The following MACROD2 variants were observed in gnomAD, a reference collection of about 807,000 sequenced individuals.
MACROD2 encodes the protein ADP-ribose glycohydrolase MACROD2.
A neutral mutation model predicts 70.4 loss-of-function variants in MACROD2; 36 were observed. The observed-to-expected ratio is 0.51, with a 90% CI of 0.39 to 0.68. The LOEUF is 0.68. Among genes scored for constraint, MACROD2 ranks in the 30% least tolerant of loss-of-function variants. The probability of loss-of-function intolerance (pLI) is 0.00; values close to 1 mark genes in which losing one functional copy is unlikely to be tolerated. For missense variants in MACROD2, 496 were observed against 538.4 expected (o/e 0.92, Z 0.78); for synonymous variants, 172 against 178.8 (o/e 0.96, Z 0.30).
At chr20:16,016,026 T>A (rs1159934337) in intron 15 of MACROD2, among the ~76,000 whole-genome samples, 1 of 152,142 alleles carries the variant, frequency 6.6e-6, no homozygotes, top group Non-Finnish European at 1.5e-5. Flanking sequence ...GAAACTGAAG[T>A]GAGATGACTT....
intron 6 of MACROD2, among the ~76,000 whole-genome samples, chr20:15,425,797 G>T (rs1003968029): frequency 6.6e-6 from 1 of 152,190 alleles, no homozygotes; most frequent in Non-Finnish European, 1.5e-5. Flanking sequence ...ATGGGATGAC[G>T]ATGGATGAGC....
chr20:14,947,603 C>T (rs1414740370), intron 5 of MACROD2, among the ~76,000 whole-genome samples: 1 of 152,144 alleles, frequency 6.6e-6, no homozygotes, highest in Non-Finnish European at 1.5e-5. Context: ...GCATCAGAGT[C>T]ACCTAGAGGG....
chr20:14,178,492 T>C (rs1381182709), intron 3 of MACROD2, among the ~76,000 whole-genome samples: 1 of 152,138 alleles, frequency 6.6e-6, no homozygotes, highest in Non-Finnish European at 1.5e-5. Context: ...TATTAGAAAG[T>C]ACTTTTGTGT....
chr20:14,453,649 A>C (rs2084268496), intron 3 of MACROD2, among the ~76,000 whole-genome samples: 2 of 152,026 alleles, frequency 1.3e-5, no homozygotes, highest in African/African-American at 2.4e-5. Flanking sequence ...TATTACTTTA[A>C]ATAGTAGAAT....
At chr20:15,146,289 C>T (rs540802616) in intron 5 of MACROD2, among the ~76,000 whole-genome samples, 2 of 152,086 alleles carry the variant, frequency 1.3e-5, no homozygotes, top group Non-Finnish European at 2.9e-5. Flanking sequence ...TTGGTAATTA[C>T]TGAAATCTTT....
chr20:14,429,930 A>T (rs1007087579), intron 3 of MACROD2, among the ~76,000 whole-genome samples: 4 of 152,196 alleles, frequency 2.6e-5, no homozygotes, highest in African/African-American at 9.6e-5. Context: ...TTCATCATTA[A>T]TGCAGCCATT....
intron 5 of MACROD2, among the ~76,000 whole-genome samples, chr20:14,863,271 G>A (rs368204356): frequency 2.6e-5 from 4 of 152,138 alleles, no homozygotes; most frequent in African/African-American, 7.2e-5. Context: ...CACAGGCAGC[G>A]CTTATATCTA....
chr20:15,522,549 A>G (rs1032892635), intron 8 of MACROD2, among the ~76,000 whole-genome samples: 1 of 152,210 alleles, frequency 6.6e-6, no homozygotes, highest in Non-Finnish European at 1.5e-5. Context: ...AATGTGTATT[A>G]CTGTGTTGAG....
At chr20:15,744,028 A>G (rs1268541106) in intron 8 of MACROD2, among the ~76,000 whole-genome samples, 1 of 152,098 alleles carries the variant, frequency 6.6e-6, no homozygotes, top group Non-Finnish European at 1.5e-5. Context: ...CTTCTTTTCC[A>G]CCAGAGCTAA....
At chr20:14,300,093 G>T (rs2082461921) in intron 3 of MACROD2, among the ~76,000 whole-genome samples, 1 of 152,174 alleles carries the variant, frequency 6.6e-6, no homozygotes. Flanking sequence ...ATAAAGATGA[G>T]GCTACTGATA....
intron 3 of MACROD2, among the ~76,000 whole-genome samples, chr20:14,453,002 C>G (rs528690592): frequency 2.1e-4 from 32 of 152,074 alleles, no homozygotes; most frequent in Non-Finnish European, 4.4e-4. Flanking sequence ...TTTCAATTAC[C>G]TTATCTAGGT....
At chr20:14,021,034 G>A (rs1296929630) in intron 2 of MACROD2, among the ~76,000 whole-genome samples, 3 of 135,398 alleles carry the variant, frequency 2.2e-5, no homozygotes, top group Non-Finnish European at 4.6e-5. Flanking sequence ...CTGTTGCCCA[G>A]GCTGGAGTGC....
chr20:14,363,914 A>G (rs1271260518), intron 3 of MACROD2, among the ~76,000 whole-genome samples: 1 of 151,706 alleles, frequency 6.6e-6, no homozygotes, highest in Non-Finnish European at 1.5e-5. Context: ...GAACACTGCA[A>G]TCTAGTGATG....
intron 4 of MACROD2, among the ~76,000 whole-genome samples, chr20:14,608,785 G>A (rs1424689241): frequency 1.3e-5 from 2 of 152,122 alleles, no homozygotes; most frequent in African/African-American, 4.8e-5. Flanking sequence ...ATGGGTAATT[G>A]GGTAGAGGGA....
intron 6 of MACROD2, among the ~76,000 whole-genome samples, chr20:15,329,094 A>C (rs2077963814): frequency 1.3e-5 from 2 of 152,200 alleles, no homozygotes; most frequent in South Asian, 4.1e-4. Flanking sequence ...AAAAATCTAA[A>C]AGGAAATGCA....
At chr20:14,739,303 G>A (rs1026125263) in intron 5 of MACROD2, among the ~76,000 whole-genome samples, 1 of 151,810 alleles carries the variant, frequency 6.6e-6, no homozygotes, top group Non-Finnish European at 1.5e-5. Context: ...ATATTAAGTG[G>A]AGAAAGCAAA....
At chr20:15,368,386 G>A (rs757381479) in intron 6 of MACROD2, among the ~76,000 whole-genome samples, 21 of 151,546 alleles carry the variant, frequency 1.4e-4, no homozygotes, top group Non-Finnish European at 2.8e-4. Context: ...ACTACAACAC[G>A]ACAAAAACCT....
chr20:15,271,689 T>G (rs894852072), intron 6 of MACROD2, among the ~76,000 whole-genome samples: 15 of 152,206 alleles, frequency 9.9e-5, no homozygotes, highest in African/African-American at 1.4e-4. Context: ...GAAAGGTAGG[T>G]GAACCCTACA....
intron 7 of MACROD2, among the ~76,000 whole-genome samples, chr20:15,464,668 A>G (rs1477243369): frequency 6.6e-6 from 1 of 152,220 alleles, no homozygotes; most frequent in Non-Finnish European, 1.5e-5. Flanking sequence ...ACATAATCAC[A>G]TCATCTGACC....
Sources: gnomAD v4.1 joint callset for allele counts (sites outside exome capture counted in the v4.1 genomes callset) on GRCh38, gnomAD v4.1.1 for gene constraint, MANE v1.5 for transcripts, NCBI Gene and HGNC (gene_info 2026-07-23, HGNC 2026-07-21) for gene names.